RAPGEF4: variants seen among roughly 807,000 people sequenced by gnomAD.
RAPGEF4 encodes the protein Rap guanine nucleotide exchange factor 4, also known as RAP guanine-nucleotide-exchange factor (GEF) 4.
A neutral mutation model predicts 147.9 loss-of-function variants in RAPGEF4; 66 were observed. That is an observed-to-expected ratio of 0.45 (90% CI 0.37 to 0.55). The LOEUF (loss-of-function observed/expected upper bound fraction) is 0.55, where lower values mean the gene tolerates loss of function less well. RAPGEF4 is among the 20% of genes least tolerant of loss of function. The probability of loss-of-function intolerance (pLI) is 0.00; values close to 1 mark genes in which losing one functional copy is unlikely to be tolerated. For missense variants in RAPGEF4, 1,071 were observed against 1,257.3 expected (o/e 0.85, Z 2.24); for synonymous variants, 419 against 442.7 (o/e 0.95, Z 0.67).
Position 172,773,908 on chromosome 2 carries a change from G to A in RAPGEF4, c.66-21117G>A, listed in dbSNP as rs747939415. Among the ~76,000 whole-genome samples, 79 of 152,160 alleles carry A rather than the reference G, an allele frequency of 5.2e-4. 1 individual carries two copies. Among genetic ancestry groups the A allele is most frequent in the Admixed American group, 7.2e-4 (11 of 15,270 alleles). On this transcript the variant is annotated intron_variant, in intron 1 of 30. Coordinates refer to ENST00000397081, the MANE Select transcript of RAPGEF4 (RefSeq NM_007023.4). ...CTCTGAATCCCTGGTATCTAGGAGA[G>A]GATCTGCAGAGAAGTGGAAGAAGAA... is the stretch of plus-strand genomic sequence containing the variant.
At position 172,939,142 on chromosome 2, in the gene RAPGEF4, T is replaced by C. The variant is rs576370662; in HGVS notation, c.537+16842T>C. Among the ~76,000 whole-genome samples, 3 of 152,364 alleles carry C rather than the reference T, an allele frequency of 2.0e-5. No homozygotes were observed. The South Asian group carries it at 6.2e-4, about 32-fold the overall frequency. Reference sequence around the variant, plus strand: ...TATGAATATTTGTGGGCAGATTTTGTGTGAACATAAGTTTTCGAATCAGTT... The same window carrying C: ...TATGAATATTTGTGGGCAGATTTTGCGTGAACATAAGTTTTCGAATCAGTT... On this transcript the variant is annotated intron_variant, in intron 6 of 30. Transcript: ENST00000397081.
chr2:172,916,811 G>A (rs1684121846), intron 4 of RAPGEF4, among the ~76,000 whole-genome samples: 1 of 152,218 alleles, frequency 6.6e-6, no homozygotes, highest in African/African-American at 2.4e-5. Context: ...CGTGCTGCCA[G>A]CTGCCCATTG....
At chr2:173,010,239 C>A (rs549978990) in intron 17 of RAPGEF4, among the ~76,000 whole-genome samples, 2 of 152,284 alleles carry the variant, frequency 1.3e-5, no homozygotes, top group African/African-American at 2.4e-5. Context: ...ATTATATGGC[C>A]TTTCCTTAAT....
intron 23 of RAPGEF4, among the ~76,000 whole-genome samples, chr2:173,023,976 T>G (rs1057208743): frequency 1.3e-5 from 2 of 152,170 alleles, no homozygotes; most frequent in Non-Finnish European, 2.9e-5. Context: ...TTCCCCAACT[T>G]TTTTTACCTA....
chr2:172,965,979 G>A (rs2592938), intron 9 of RAPGEF4, among the ~76,000 whole-genome samples: 10,564 of 152,264 alleles, frequency 0.069, 1,216 homozygotes, highest in African/African-American at 0.24. Context: ...CATTGATAGC[G>A]TGATTATACT....
chr2:172,737,964 A>G (rs996195737), intron 1 of RAPGEF4, among the ~76,000 whole-genome samples: 1 of 152,246 alleles, frequency 6.6e-6, no homozygotes, highest in Admixed American at 6.5e-5. Flanking sequence ...TTGTGGTATT[A>G]AAAGAACTTT....
intron 4 of RAPGEF4, among the ~76,000 whole-genome samples, chr2:172,829,428 T>A (rs571032433): frequency 6.6e-6 from 1 of 152,198 alleles, no homozygotes; most frequent in Non-Finnish European, 1.5e-5. Flanking sequence ...AGCTCATCCA[T>A]GTGAGGCATC....
chr2:172,984,985 G>A (rs144549366), intron 11 of RAPGEF4, among the ~76,000 whole-genome samples: 285 of 152,224 alleles, frequency 1.9e-3, no homozygotes, highest in Non-Finnish European at 3.1e-3. Flanking sequence ...AAATGTGTTC[G>A]TTCATTTAGG....
At chr2:173,015,023 T>C (rs935509497) in intron 18 of RAPGEF4, among the ~76,000 whole-genome samples, 4 of 152,214 alleles carry the variant, frequency 2.6e-5, no homozygotes, top group African/African-American at 9.6e-5. Flanking sequence ...ATGTCACAGA[T>C]ATATTTATGT....
At chr2:173,016,535 A>C in intron 19 of RAPGEF4, 98 bp downstream of exon 19, 1 of 977,392 alleles carries the variant, frequency 1.0e-6, no homozygotes, top group Non-Finnish European at 1.6e-6. Flanking sequence ...TTCCATAGCC[A>C]TGCCCCGCTT....
intron 6 of RAPGEF4, among the ~76,000 whole-genome samples, chr2:172,927,147 GA>G (rs1305869290): frequency 1.3e-5 from 2 of 152,090 alleles, no homozygotes; most frequent in African/African-American, 2.4e-5. Context: ...ATAAGTTTTA[GA>G]AATTATTATA....
At chr2:173,005,184 C>T (rs539666141) in intron 17 of RAPGEF4, among the ~76,000 whole-genome samples, 1 of 151,906 alleles carries the variant, frequency 6.6e-6, no homozygotes, top group Admixed American at 6.6e-5. Context: ...AATCTTTGCT[C>T]ATGTATATGA....
chr2:173,005,287 C>G (rs1034139681), intron 17 of RAPGEF4, among the ~76,000 whole-genome samples: 4 of 152,048 alleles, frequency 2.6e-5, no homozygotes, highest in Admixed American at 2.0e-4. Context: ...CTCCTATTGT[C>G]TCAATTTAGT....
chr2:172,753,914 GCA>G (rs369669488), intron 1 of RAPGEF4, among the ~76,000 whole-genome samples: 3 of 151,224 alleles, frequency 2.0e-5, no homozygotes, highest in African/African-American at 7.3e-5. Flanking sequence ...GACACACACC[GCA>G]CACATATACA....
chr2:173,031,219 TC>T, intron 26 of RAPGEF4, among the ~76,000 whole-genome samples: 1 of 152,322 alleles, frequency 6.6e-6, no homozygotes, highest in East Asian at 1.9e-4. Context: ...CACAAGTCCT[TC>T]TGTCTTGGGT....
intron 29 of RAPGEF4, among the ~76,000 whole-genome samples, chr2:173,045,551 C>T (rs916173739): frequency 1.3e-5 from 2 of 152,178 alleles, no homozygotes; most frequent in Admixed American, 6.5e-5. Flanking sequence ...AAGACTTGTC[C>T]TGTTAAAAAG....
chr2:172,926,061 G>GGGAGGGAGGGAGGGAGGGAGGGAA, intron 6 of RAPGEF4, among the ~76,000 whole-genome samples: 1 of 117,718 alleles, frequency 8.5e-6, no homozygotes, highest in Admixed American at 8.5e-5. Context: ...GAGGGAGGGA[G>GGGAGGGAGGGAGGGAGGGAGGGAA]GGAAGTCAGG....
At chr2:172,978,517 G>T (rs1691334579) in intron 10 of RAPGEF4, among the ~76,000 whole-genome samples, 1 of 152,230 alleles carries the variant, frequency 6.6e-6, no homozygotes, top group Non-Finnish European at 1.5e-5. Context: ...CAGGTCTCAA[G>T]GTCTTGCCTG....
At chr2:172,988,979 G>A (rs1044771205) in intron 14 of RAPGEF4, 140 bp downstream of exon 14, 68 of 952,890 alleles carry the variant, frequency 7.1e-5, no homozygotes, top group Non-Finnish European at 7.5e-5. Flanking sequence ...GTTACAAACC[G>A]GTTATATTTA....
Sources: allele counts gnomAD v4.1 joint callset (sites outside exome capture counted in the v4.1 genomes callset), GRCh38; gene constraint gnomAD v4.1.1; transcripts MANE v1.5; gene names NCBI Gene and HGNC (gene_info 2026-07-23, HGNC 2026-07-21).